Variants in PREX2 observed in about 807,000 individuals in gnomAD.
PREX2 encodes phosphatidylinositol 3,4,5-trisphosphate-dependent Rac exchanger 2 protein.
A neutral mutation model predicts 203.2 loss-of-function variants in PREX2; 107 were observed. The ratio of observed to expected loss-of-function variants is 0.53; its 90% CI spans 0.45 to 0.62. The LOEUF is 0.62. Among genes scored for constraint, PREX2 ranks in the 20% least tolerant of loss-of-function variants. The probability of loss-of-function intolerance (pLI) is 0.00; values close to 1 mark genes in which losing one functional copy is unlikely to be tolerated. For missense variants in PREX2, 1,777 were observed against 1,955.9 expected (o/e 0.91, Z 1.72); for synonymous variants, 672 against 663.6 (o/e 1.01, Z -0.19).
intron 35 of PREX2, among the ~76,000 whole-genome samples, chr8:68,169,193 A>G (rs1811819955): frequency 6.6e-6 from 1 of 152,012 alleles, no homozygotes; most frequent in Non-Finnish European, 1.5e-5. Flanking sequence ...CTATTCTCAG[A>G]AGAAGAAGAG....
At chr8:68,172,493 A>G (rs1280322095) in intron 35 of PREX2, among the ~76,000 whole-genome samples, 5 of 152,242 alleles carry the variant, frequency 3.3e-5, no homozygotes. Context: ...CAAAATTTTA[A>G]CTAATAATTT....
In PREX2 at chr8:68,138,471, G is replaced by A. The variant is rs1275684126; in HGVS notation, c.4041G>A (p.Lys1347=). The A allele has an allele frequency of 1.9e-6, 3 of 1,605,700 alleles. No homozygotes were observed. The highest frequency in any genetic ancestry group is 3.4e-5 in the Admixed American group (2 of 59,340). The change falls in exon 33 of 40, where the codon AAG becomes AAA. Residue 1347 remains lysine (K), a synonymous_variant. Transcript: ENST00000288368. ...TGGTTGCACTATTTGATTTGGAAAA[G>A]GTTTCCTTTTACTTTAAACCATCAG... ...DTLVALFDLE[K]VSFYFKPSEE...
In PREX2 at chr8:68,055,955, C is replaced by G. The variant is rs769155626; in HGVS notation, c.1219C>G (p.Pro407Ala). 8.7e-6 allele frequency: 14 copies of G among 1,610,822 alleles called. No individual in the cohort carries two copies. The highest frequency in any genetic ancestry group is 1.2e-5 in the Non-Finnish European group (14 of 1,179,166). Residue 407 changes from proline (P) to alanine (A), a missense_variant, in exon 10 of 40, where the codon CCT (proline) becomes GCT (alanine). Physicochemically the swap from Pro to Ala is conservative, Grantham distance 27 (BLOSUM62 -1). Transcript: ENST00000288368. ...CCGAAAGAGAAAACTGACTACGTTC[C>G]CTAAATGCTTTCTTGGAAGGTAGGG... ...KDRKRKLTTF[P>A]KCFLGSEFVS...
chr8:68,072,935 A>G (rs1410761430), intron 14 of PREX2, among the ~76,000 whole-genome samples: 2 of 152,098 alleles, frequency 1.3e-5, no homozygotes, highest in African/African-American at 4.8e-5. Flanking sequence ...AGTTATTCTA[A>G]TCTCCCTGTG....
chr8:68,127,816 T>C (rs1355541354), intron 31 of PREX2, among the ~76,000 whole-genome samples: 2 of 152,108 alleles, frequency 1.3e-5, no homozygotes, highest in African/African-American at 2.4e-5. Context: ...ACTTTTACCA[T>C]GCACTTAGTG....
Position 68,055,968 on chromosome 8 carries a change from T to C in PREX2, c.1232T>C (p.Leu411Pro). The C allele has an allele frequency of 6.2e-7, 1 of 1,610,406 alleles. No individual in the cohort carries two copies. The highest frequency in any genetic ancestry group is 8.5e-7 in the Non-Finnish European group (1 of 1,178,934). Residue 411 changes from leucine to proline, a missense_variant, in exon 10 of 40, where the codon CTT (leucine) becomes CCT (proline). By Grantham distance (98) the Leu-to-Pro change is moderately conservative. Coordinates refer to ENST00000288368, the MANE Select transcript of PREX2 (RefSeq NM_024870.4). The stretch of plus-strand genomic sequence containing the variant: ...CTGACTACGTTCCCTAAATGCTTTC[T>C]TGGAAGGTAGGGTTGGGAGTTTGGG... ...RKLTTFPKCF[L>P]GSEFVSWLLE...
intron 18 of PREX2, among the ~76,000 whole-genome samples, chr8:68,083,719 T>C (rs1399879357): frequency 6.6e-6 from 1 of 152,200 alleles, no homozygotes; most frequent in Non-Finnish European, 1.5e-5. Context: ...TTCTCCATGT[T>C]CGGCTATAAG....
In PREX2 at chr8:68,097,069, T is replaced by C. The variant is rs199561755; in HGVS notation, c.2421T>C (p.His807=). ...CCATCATTGATGGGAAGAAGGAGCA[T>C]GTGAGTCTGACAGTGGACAATGTCC... ...TMAIIDGKKE[H]VSLTVDNVHL... is the part of the protein sequence containing the mutation. Residue 807 remains histidine, a synonymous_variant, in exon 22 of 40, where the codon CAT becomes CAC. Transcript: ENST00000288368. 13 of 1,613,942 alleles carry C rather than the reference T, an allele frequency of 8.1e-6. No homozygotes were observed. In the East Asian group the frequency reaches 1.6e-4, roughly 19 times the overall value.
chr8:67,953,496 A>T (rs1233560818), intron 1 of PREX2, among the ~76,000 whole-genome samples: 3 of 152,152 alleles, frequency 2.0e-5, no homozygotes, highest in Non-Finnish European at 4.4e-5. Flanking sequence ...TCATTCAAAG[A>T]ACCAGGAGCT....
At chr8:67,954,903 G>A (rs1477741847) in intron 1 of PREX2, among the ~76,000 whole-genome samples, 2 of 151,956 alleles carry the variant, frequency 1.3e-5, no homozygotes, top group African/African-American at 4.8e-5. Flanking sequence ...AGCACTTTTG[G>A]GGGCCGAGGC....
At chr8:68,103,809 A>G (rs1258169457) in intron 23 of PREX2, 4 of 489,176 alleles carry the variant, frequency 8.2e-6, no homozygotes, top group African/African-American at 2.0e-5. Context: ...CCTCTGTGGT[A>G]TCCTATGCTG....
intron 26 of PREX2, 117 bp downstream of exon 26, chr8:68,116,049 A>C: frequency 1.2e-6 from 1 of 826,128 alleles, no homozygotes; most frequent in East Asian, 2.6e-5. Context: ...GTCTTTCACA[A>C]TAATCACCTG....
intron 37 of PREX2, among the ~76,000 whole-genome samples, chr8:68,211,034 C>A (rs187916466): frequency 6.6e-6 from 1 of 152,124 alleles, no homozygotes; most frequent in Admixed American, 6.5e-5. Flanking sequence ...GAGGAGGGGA[C>A]GAGAGACACA....
chr8:68,109,611 G>A lies in PREX2; in HGVS notation c.3134G>A (p.Cys1045Tyr). ...CTGAAAGAGGTGGAGATGTGTGTTT[G>A]TCAAATAGATGAGTAAGTGTTTTGT... ...TALKEVEMCV[C>Y]QIDDLLSSIT... Residue 1045 changes from cysteine (C) to tyrosine (Y), a missense_variant, in exon 25 of 40, where the codon TGT (cysteine) becomes TAT (tyrosine). Coordinates refer to ENST00000288368, the MANE Select transcript of PREX2 (RefSeq NM_024870.4). 6.2e-7 allele frequency: 1 copy of A among 1,613,710 alleles called. No homozygotes were observed. Among genetic ancestry groups the A allele is most frequent in the African/African-American group, 1.3e-5 (1 of 75,010 alleles).
At chr8:67,978,198 C>A (rs1211155906) in intron 1 of PREX2, among the ~76,000 whole-genome samples, 1 of 152,066 alleles carries the variant, frequency 6.6e-6, no homozygotes, top group Non-Finnish European at 1.5e-5. Context: ...GAAATCTCCC[C>A]CCTCCTCTCC....
chr8:68,146,069 C>T (rs952438178), intron 33 of PREX2, 140 bp from the exon 34 acceptor site: 8 of 593,320 alleles, frequency 1.3e-5, no homozygotes, highest in East Asian at 5.6e-5. Flanking sequence ...CACTGTATGT[C>T]GAATCCCAAC....
At chr8:68,106,192 G>T (rs574077675) in intron 23 of PREX2, 30 of 405,122 alleles carry the variant, frequency 7.4e-5, no homozygotes, top group African/African-American at 6.1e-4. Context: ...TATGGTGGAT[G>T]CTGTTACCTA....
At chr8:68,127,018 G>T (rs1347141870) in intron 30 of PREX2, among the ~76,000 whole-genome samples, 3 of 151,980 alleles carry the variant, frequency 2.0e-5, no homozygotes, top group Non-Finnish European at 4.4e-5. Flanking sequence ...GTTGTAGCTT[G>T]CAGAACACCA....
intron 11 of PREX2, among the ~76,000 whole-genome samples, chr8:68,064,701 C>T (rs1808964964): frequency 6.6e-6 from 1 of 152,064 alleles, no homozygotes; most frequent in Non-Finnish European, 1.5e-5. Flanking sequence ...TAAAATGTGT[C>T]ACCTTCTCAT....
Sources: gnomAD v4.1 joint callset for allele counts (sites outside exome capture counted in the v4.1 genomes callset) on GRCh38, gnomAD v4.1.1 for gene constraint, MANE v1.5 for transcripts, NCBI Gene and HGNC (gene_info 2026-07-23, HGNC 2026-07-21) for gene names.